USP34: variants seen among roughly 807,000 people sequenced by gnomAD.
USP34 encodes ubiquitin carboxyl-terminal hydrolase 34.
Under a neutral mutation model 460.3 loss-of-function variants are expected in USP34, and 70 were observed. That is an observed-to-expected ratio of 0.15 (90% CI 0.13 to 0.19). USP34 has a LOEUF of 0.19. USP34 is among the 10% of genes least tolerant of loss of function. The pLI, the probability that USP34 is intolerant of heterozygous loss-of-function variation, is 1.00. For missense variants in USP34, 3,985 were observed against 4,236.2 expected, an observed-to-expected ratio of 0.94 and a Z score of 1.65; for synonymous variants, 1,647 against 1,405.3, an observed-to-expected ratio of 1.17 and a Z score of -3.85.
chr2:61,405,178 A>T (rs899821747), intron 3 of USP34, among the ~76,000 whole-genome samples: 1 of 145,114 alleles, frequency 6.9e-6, no homozygotes, highest in African/African-American at 2.6e-5. Flanking sequence ...GCTTGCAGTG[A>T]ACCGAGATCA....
At chr2:61,351,822 A>C (rs1436640621) in intron 10 of USP34, among the ~76,000 whole-genome samples, 1 of 152,178 alleles carries the variant, frequency 6.6e-6, no homozygotes, top group Non-Finnish European at 1.5e-5. Context: ...ATTTACTTTA[A>C]CACCACTAAG....
intron 1 of USP34, among the ~76,000 whole-genome samples, chr2:61,425,678 G>C (rs1694490415): frequency 6.6e-6 from 1 of 152,132 alleles, no homozygotes. Flanking sequence ...GGCAGTCTGA[G>C]CCGTAAGGAC....
intron 18 of USP34, among the ~76,000 whole-genome samples, chr2:61,336,789 AACTG>A (rs1691430632): frequency 1.4e-5 from 2 of 145,696 alleles, no homozygotes; most frequent in Non-Finnish European, 1.5e-5. Flanking sequence ...CAGCCTGAGA[AACTG>A]ACTGAGACTC....
intron 1 of USP34, among the ~76,000 whole-genome samples, chr2:61,425,289 T>C (rs1694479643): frequency 6.6e-6 from 1 of 151,946 alleles, no homozygotes; most frequent in Non-Finnish European, 1.5e-5. Flanking sequence ...CTGAAACACC[T>C]TCATAAAAAA....
intron 5 of USP34, among the ~76,000 whole-genome samples, chr2:61,394,624 TATAG>T (rs566272519): frequency 1.4e-3 from 211 of 152,080 alleles, no homozygotes; most frequent in African/African-American, 4.6e-3. Context: ...AATAGATAAT[TATAG>T]ATAGTCATGA....
chr2:61,253,318 C>T (rs748602627), intron 48 of USP34, among the ~76,000 whole-genome samples: 7 of 152,128 alleles, frequency 4.6e-5, no homozygotes, highest in Non-Finnish European at 8.8e-5. Flanking sequence ...TAGAGATTCT[C>T]CAAAGAACTT....
chr2:61,319,106 T>A, intron 22 of USP34, 67 bp downstream of exon 22: 2 of 1,432,776 alleles, frequency 1.4e-6, no homozygotes, highest in East Asian at 5.1e-5. Flanking sequence ...CATTACAGAA[T>A]TCGTATTTCA....
At chr2:61,298,067 T>G (rs2103631891) in intron 29 of USP34, among the ~76,000 whole-genome samples, 1 of 152,256 alleles carries the variant, frequency 6.6e-6, no homozygotes, top group East Asian at 1.9e-4. Context: ...AAAAATATCT[T>G]CAAAGTGTGC....
At chr2:61,196,532 A>AT (rs76749154) in intron 75 of USP34, among the ~76,000 whole-genome samples, 55 of 145,550 alleles carry the variant, frequency 3.8e-4, no homozygotes, top group East Asian at 1.4e-3. Flanking sequence ...GCCCTAAACA[A>AT]TTTTTTTTTT....
chr2:61,420,892 C>T, intron 1 of USP34, 59 bp from the exon 2 acceptor site: 1 of 1,289,968 alleles, frequency 7.8e-7, no homozygotes. Context: ...TTAAAGCCAA[C>T]AGTTCAAAAT....
chr2:61,215,742 TA>T (rs1164425182), intron 67 of USP34, among the ~76,000 whole-genome samples: 3 of 152,208 alleles, frequency 2.0e-5, no homozygotes, highest in Non-Finnish European at 4.4e-5. Context: ...ACAATAATAG[TA>T]ATAACTATAA....
chr2:61,196,120 G>C (rs1023849708), intron 75 of USP34, among the ~76,000 whole-genome samples: 45 of 116,394 alleles, frequency 3.9e-4, no homozygotes, highest in African/African-American at 1.4e-3. Flanking sequence ...TCGCTTTGTC[G>C]CACAGGCTGG....
At chr2:61,233,301 C>CACCAGGA (rs1391956358) in intron 57 of USP34, among the ~76,000 whole-genome samples, 1 of 151,892 alleles carries the variant, frequency 6.6e-6, no homozygotes, top group African/African-American at 2.4e-5. Context: ...TGTTAAACAC[C>CACCAGGA]ACCAGGAAAA....
intron 1 of USP34, among the ~76,000 whole-genome samples, chr2:61,437,548 C>T (rs1378392402): frequency 6.6e-6 from 1 of 151,938 alleles, no homozygotes; most frequent in Non-Finnish European, 1.5e-5. Flanking sequence ...CTGAGGTAGG[C>T]AGATCACGAG....
At position 61,294,072 on chromosome 2, in the gene USP34, G is replaced by A. The variant is rs188025098; in HGVS notation, c.4462-522C>T. The stretch of plus-strand genomic sequence containing the variant: ...AAAAAATATACACTTGAGGCCAGGC[G>A]CGGTGGCTCACGCCTGTAATCCCAG... On this transcript the variant is annotated intron_variant, in intron 32 of 79. Transcript: ENST00000398571. 4.6e-5 allele frequency among the ~76,000 whole-genome samples: 7 copies of A among 151,978 alleles called. No homozygotes were observed. In the South Asian group the frequency reaches 6.2e-4, roughly 14 times the overall value.
At chr2:61,196,621 T>C (rs1686818841) in intron 75 of USP34, among the ~76,000 whole-genome samples, 1 of 151,990 alleles carries the variant, frequency 6.6e-6, no homozygotes, top group Non-Finnish European at 1.5e-5. Context: ...GCCTCGACTT[T>C]CCCAGGCTCA....
At chr2:61,352,471 G>T (rs1407693421) in intron 10 of USP34, among the ~76,000 whole-genome samples, 2 of 151,570 alleles carry the variant, frequency 1.3e-5, no homozygotes, top group Non-Finnish European at 2.9e-5. Context: ...GGTTTCTAGG[G>T]TATTAATCTG....
intron 2 of USP34, among the ~76,000 whole-genome samples, chr2:61,408,614 G>C (rs1693949760): frequency 6.6e-6 from 1 of 152,152 alleles, no homozygotes; most frequent in Non-Finnish European, 1.5e-5. Flanking sequence ...TAAGAGGTCA[G>C]GCTGGGTGTG....
chr2:61,188,709 T>C lies in USP34; in HGVS notation c.10034A>G (p.Asp3345Gly). 6.2e-7 allele frequency: 1 copy of C among 1,612,098 alleles called. No individual in the cohort carries two copies. The highest frequency in any genetic ancestry group is 1.1e-5 in the South Asian group (1 of 90,712). Reference sequence around the variant, plus strand: ...TTTAATGGGAGTTGCTCCTTCATCATCTGTGAAAACACATGCCAAAAGGGA... The same window carrying C: ...TTTAATGGGAGTTGCTCCTTCATCACCTGTGAAAACACATGCCAAAAGGGA... ...EQEAKERKTK[D>G]DEGATPIKRR... The change falls in exon 80 of 80, where the codon GAT becomes GGT. Residue 3345 changes from aspartate to glycine, a missense_variant and splice_region_variant. Around this residue, in one of 14 missense-constraint regions of USP34, gnomAD observed 506 missense variants for 439.0 expected, o/e 1.15. Coordinates refer to ENST00000398571, the MANE Select transcript of USP34 (RefSeq NM_014709.4).
Sources: allele counts gnomAD v4.1 joint callset (sites outside exome capture counted in the v4.1 genomes callset), GRCh38; gene constraint gnomAD v4.1.1; regional missense constraint gnomAD v4.1.1; transcripts MANE v1.5; gene names NCBI Gene and HGNC (gene_info 2026-07-23, HGNC 2026-07-21).